UNC5C: variants seen among roughly 807,000 people sequenced by gnomAD.
UNC5C encodes unc-5 netrin receptor C, also known as netrin receptor UNC5C.
Under a neutral mutation model 99.8 loss-of-function variants are expected in UNC5C, and 47 were observed. That is an observed-to-expected ratio of 0.47 (90% CI 0.37 to 0.60). The LOEUF is 0.60. Ranked by LOEUF, UNC5C falls within the 20% of genes least tolerant of loss-of-function variation. The pLI is 0.00. For missense variants in UNC5C, 1,062 were observed against 1,165.9 expected (o/e 0.91, Z 1.30); for synonymous variants, 487 against 452.2 (o/e 1.08, Z -0.98).
chr4:95,320,787 G>T (rs927106536), intron 2 of UNC5C, among the ~76,000 whole-genome samples: 2 of 152,162 alleles, frequency 1.3e-5, no homozygotes, highest in Non-Finnish European at 2.9e-5. Context: ...ACACACACAT[G>T]TGTGTCTGTA....
At chr4:95,517,118 G>A (rs1005999299) in intron 1 of UNC5C, among the ~76,000 whole-genome samples, 3 of 152,044 alleles carry the variant, frequency 2.0e-5, no homozygotes, top group South Asian at 2.1e-4. Context: ...CATATGAACC[G>A]TGCTTTAAAA....
At position 95,496,234 on chromosome 4, in the gene UNC5C, C is replaced by T. The variant is rs199998333; in HGVS notation, c.124+52500G>A. Among the ~76,000 whole-genome samples, 53 of 151,824 alleles carry T rather than the reference C, an allele frequency of 3.5e-4. 1 individual carries two copies. The East Asian group carries it at 9.9e-3, about 28-fold the overall frequency. On this transcript the variant is annotated intron_variant, in intron 1 of 15. Transcript: ENST00000453304. ...GCTCTTTTCTGACTTTCAAAAGAAA[C>T]ATTTACTGAGCCTCAGAAATTAGGA...
At chr4:95,368,588 G>A (rs1744651381) in intron 1 of UNC5C, among the ~76,000 whole-genome samples, 1 of 152,104 alleles carries the variant, frequency 6.6e-6, no homozygotes, top group African/African-American at 2.4e-5. Context: ...ATGACTTACA[G>A]GTTTTAGGAA....
chr4:95,257,359 G>A (rs1277070659), intron 4 of UNC5C, among the ~76,000 whole-genome samples: 1 of 151,928 alleles, frequency 6.6e-6, no homozygotes, highest in Non-Finnish European at 1.5e-5. Flanking sequence ...AGCTATGAGT[G>A]CACCACTGCA....
intron 1 of UNC5C, among the ~76,000 whole-genome samples, chr4:95,351,658 T>G (rs902590123): frequency 6.6e-6 from 1 of 151,672 alleles, no homozygotes; most frequent in Non-Finnish European, 1.5e-5. Flanking sequence ...GAACTCCTAC[T>G]GGGTTGACAG....
At chr4:95,378,221 A>T (rs1744955522) in intron 1 of UNC5C, among the ~76,000 whole-genome samples, 1 of 152,224 alleles carries the variant, frequency 6.6e-6, no homozygotes, top group Non-Finnish European at 1.5e-5. Context: ...TTAGTTTGCA[A>T]CTGAATTGGC....
intron 7 of UNC5C, among the ~76,000 whole-genome samples, chr4:95,231,291 G>A (rs142956952): frequency 2.7e-3 from 405 of 152,170 alleles, no homozygotes; most frequent in African/African-American, 8.7e-3. Flanking sequence ...CTTAATACCC[G>A]TAAATAGATT....
chr4:95,289,205 C>T (rs1741354267), intron 3 of UNC5C, among the ~76,000 whole-genome samples: 1 of 152,156 alleles, frequency 6.6e-6, no homozygotes, highest in African/African-American at 2.4e-5. Flanking sequence ...TACCCACTTC[C>T]TCCAGCCCCT....
At chr4:95,391,892 T>C (rs1453096072) in intron 1 of UNC5C, among the ~76,000 whole-genome samples, 10 of 151,770 alleles carry the variant, frequency 6.6e-5, no homozygotes, top group Admixed American at 6.6e-4. Flanking sequence ...GCCTGGGCCA[T>C]GTAGAGAAAC....
At chr4:95,365,365 C>A in intron 1 of UNC5C, among the ~76,000 whole-genome samples, 3 of 142,920 alleles carry the variant, frequency 2.1e-5, no homozygotes, top group African/African-American at 5.1e-5. Flanking sequence ...AATTATATAA[C>A]ATTTAAAAAT....
At chr4:95,289,022 C>CAATCG (rs1741347344) in intron 3 of UNC5C, among the ~76,000 whole-genome samples, 1 of 151,610 alleles carries the variant, frequency 6.6e-6, no homozygotes, top group African/African-American at 2.4e-5. Flanking sequence ...TAGTTTAATC[C>CAATCG]TAGTTCTGTA....
intron 1 of UNC5C, among the ~76,000 whole-genome samples, chr4:95,445,640 T>C (rs996960189): frequency 1.3e-5 from 2 of 152,132 alleles, no homozygotes; most frequent in Non-Finnish European, 2.9e-5. Flanking sequence ...GGAAAGCATT[T>C]AGAGGAGAAA....
intron 1 of UNC5C, among the ~76,000 whole-genome samples, chr4:95,415,544 G>A (rs1043610632): frequency 6.6e-6 from 1 of 151,958 alleles, no homozygotes; most frequent in Admixed American, 6.6e-5. Flanking sequence ...ATTTATTGAG[G>A]GTTGTTTATG....
At chr4:95,203,480 A>T (rs1269144173) in intron 11 of UNC5C, among the ~76,000 whole-genome samples, 1 of 151,966 alleles carries the variant, frequency 6.6e-6, no homozygotes, top group African/African-American at 2.4e-5. Flanking sequence ...TATTTAATTT[A>T]TTAATTGAAA....
intron 14 of UNC5C, among the ~76,000 whole-genome samples, chr4:95,173,150 TG>T (rs1348543125): frequency 2.0e-5 from 3 of 151,616 alleles, no homozygotes; most frequent in Admixed American, 1.3e-4. Flanking sequence ...ACTGAGACGA[TG>T]GGGTTTTCTA....
intron 3 of UNC5C, among the ~76,000 whole-genome samples, chr4:95,285,872 G>A (rs1045694954): frequency 1.3e-5 from 2 of 152,122 alleles, no homozygotes; most frequent in Non-Finnish European, 2.9e-5. Flanking sequence ...AGTCAAAAAG[G>A]TCTGAAAACC....
At chr4:95,288,457 TTACTCCATGA>T (rs2149398573) in intron 3 of UNC5C, among the ~76,000 whole-genome samples, 1 of 152,324 alleles carries the variant, frequency 6.6e-6, no homozygotes, top group Admixed American at 6.5e-5. Flanking sequence ...TAGAAGTGGA[TTACTCCATGA>T]TGTGAATTTG....
At chr4:95,474,688 A>C (rs914888294) in intron 1 of UNC5C, among the ~76,000 whole-genome samples, 3 of 152,174 alleles carry the variant, frequency 2.0e-5, no homozygotes, top group Non-Finnish European at 2.9e-5. Flanking sequence ...TATGCAAACA[A>C]AGAATAAAAT....
At chr4:95,347,332 T>C (rs915934700) in intron 1 of UNC5C, among the ~76,000 whole-genome samples, 5 of 151,964 alleles carry the variant, frequency 3.3e-5, no homozygotes, top group African/African-American at 7.2e-5. Context: ...ATGTCCATAC[T>C]ACCCAAAGCA....
Sources: allele counts gnomAD v4.1 joint callset (sites outside exome capture counted in the v4.1 genomes callset), GRCh38; gene constraint gnomAD v4.1.1; transcripts MANE v1.5; gene names NCBI Gene and HGNC (gene_info 2026-07-23, HGNC 2026-07-21).